Variants in RFX2 observed in about 807,000 individuals in gnomAD.
The protein encoded by RFX2 is DNA-binding protein RFX2.
Under a neutral mutation model 87.8 loss-of-function variants are expected in RFX2, and 20 were observed. The observed-to-expected ratio is 0.23, with a 90% CI of 0.16 to 0.33. RFX2 has a LOEUF of 0.33. Ranked by LOEUF, RFX2 falls within the 10% of genes least tolerant of loss-of-function variation. RFX2 has a pLI of 1.00. For missense variants in RFX2, 767 were observed against 1,012.3 expected (o/e 0.76, Z 3.29); for synonymous variants, 397 against 431.3 (o/e 0.92, Z 0.98).
rs2086686091 is a variant in RFX2, at chr19:6,013,508, T to TTC, written c.780-404_780-403insGA. On this transcript the variant is annotated intron_variant, in intron 7 of 17. Transcript: ENST00000303657. This position sits in a 1 kb window ranked among gnomAD's most constrained non-coding sequence, Gnocchi z 4.1. ...GCCTCTTCTCTCTTTTTTTTTTTTT[T>TTC]CAGAAACAGGGTCTCACTCTGTCAC... Among the ~76,000 whole-genome samples the TTC allele has an allele frequency of 6.6e-6, 1 of 151,268 alleles. No individual in the cohort carries two copies. The highest frequency in any genetic ancestry group is 2.4e-5 in the African/African-American group (1 of 41,044).
intron 1 of RFX2, among the ~76,000 whole-genome samples, chr19:6,107,616 C>CAAAAAAAAAAAAAAAAAAAAAAAAAA (rs1156483792): frequency 6.3e-5 from 2 of 31,556 alleles, no homozygotes; most frequent in Non-Finnish European, 1.2e-4. Context: ...GACCCTGTCT[C>CAAAAAAAAAAAAAAAAAAAAAAAAAA]AAAAAAAAAA....
intron 1 of RFX2, among the ~76,000 whole-genome samples, chr19:6,098,276 C>G (rs1045131543): frequency 2.0e-5 from 3 of 152,110 alleles, no homozygotes; most frequent in Non-Finnish European, 4.4e-5. Flanking sequence ...TAAAAACGAC[C>G]TCTCCTCCTG....
chr19:6,044,572 G>A lies in RFX2; in HGVS notation c.91-290C>T, dbSNP rs542130730. 6.6e-6 allele frequency among the ~76,000 whole-genome samples: 1 copy of A among 152,240 alleles called. No individual in the cohort carries two copies. The highest frequency in any genetic ancestry group is 2.4e-5 in the African/African-American group (1 of 41,546). ...GCACGAATTGTGGGCACACACACACGTATGCACACACACATACACGGAAGC... is the reference window on the plus strand; with the variant it reads ...GCACGAATTGTGGGCACACACACACATATGCACACACACATACACGGAAGC... On this transcript the variant is annotated intron_variant, in intron 2 of 17. Transcript: ENST00000303657. This position sits in a 1 kb window ranked among gnomAD's most constrained non-coding sequence, Gnocchi z 5.3.
In RFX2 at chr19:6,063,897, T is replaced by C. The variant is rs1258478072; in HGVS notation, c.-8-16393A>G. ...TCCCCTGGGGGCAGGACCACCCCCA[T>C]GGAGAACCACACGTCTAAGGCCACA... On this transcript the variant is annotated intron_variant, in intron 1 of 17. Coordinates refer to ENST00000303657, the MANE Select transcript of RFX2 (RefSeq NM_000635.4). The surrounding 1 kb of genome is among the most constrained non-coding windows in gnomAD (Gnocchi z 4.0). 6.6e-6 allele frequency among the ~76,000 whole-genome samples: 1 copy of C among 152,148 alleles called. No individual in the cohort carries two copies. Among genetic ancestry groups the C allele is most frequent in the East Asian group, 1.9e-4 (1 of 5,178 alleles).
intron 13 of RFX2, among the ~76,000 whole-genome samples, chr19:6,003,556 C>T (rs1045361300): frequency 9.9e-5 from 15 of 151,968 alleles, no homozygotes; most frequent in Non-Finnish European, 2.1e-4. Flanking sequence ...GCAGGTGGAT[C>T]GCCTGAGGTC....
intron 12 of RFX2, among the ~76,000 whole-genome samples, chr19:6,005,002 C>A (rs1386611617): frequency 6.6e-6 from 1 of 151,844 alleles, no homozygotes; most frequent in African/African-American, 2.4e-5. Context: ...GCCTGTAGTC[C>A]CAGCTATTTG....
At chr19:6,080,851 C>A (rs2087770903) in intron 1 of RFX2, among the ~76,000 whole-genome samples, 2 of 151,926 alleles carry the variant, frequency 1.3e-5, no homozygotes, top group African/African-American at 2.4e-5. Context: ...GCCTGGCCAA[C>A]CTGGTGAAAC....
rs76671289 is a variant in RFX2 at position 6,059,320 on chromosome 19, A to G, written c.-8-11816T>C. ...ATATAAAAATTGTCCAAACTAAAGTATGGTTACCTCATCTCTGATGTGGTC... is the reference window on the plus strand; with the variant it reads ...ATATAAAAATTGTCCAAACTAAAGTGTGGTTACCTCATCTCTGATGTGGTC... On this transcript the variant is annotated intron_variant, in intron 1 of 17. Transcript: ENST00000303657. 4.6e-3 allele frequency among the ~76,000 whole-genome samples: 694 copies of G among 152,262 alleles called. 8 individuals are homozygous for G. The East Asian group carries it at 0.071, about 16-fold the overall frequency.
Position 5,998,298 on chromosome 19 carries a change from A to G in RFX2, c.1860-1085T>C, listed in dbSNP as rs973529070. ...ACTCTAGCCTGGGTGACAGAGCAAC[A>G]CTCCATCTCAAAAAAAAAGAATGAA... On this transcript the variant is annotated intron_variant, in intron 15 of 17. Coordinates refer to ENST00000303657, the MANE Select transcript of RFX2 (RefSeq NM_000635.4). The surrounding 1 kb of genome is among the most constrained non-coding windows in gnomAD (Gnocchi z 4.2). Among the ~76,000 whole-genome samples, 1 of 150,566 alleles carries G rather than the reference A, an allele frequency of 6.6e-6. No homozygotes were observed. Among genetic ancestry groups the G allele is most frequent in the Non-Finnish European group, 1.5e-5 (1 of 67,632 alleles).
Position 6,024,003 on chromosome 19 carries a change from C to T in RFX2, c.597+2160G>A, listed in dbSNP as rs527592990. 1.1e-4 allele frequency among the ~76,000 whole-genome samples: 17 copies of T among 152,282 alleles called. No homozygotes were observed. Among genetic ancestry groups the T allele is most frequent in the African/African-American group, 4.1e-4 (17 of 41,562 alleles). On this transcript the variant is annotated intron_variant, in intron 6 of 17. Transcript: ENST00000303657. This position sits in a 1 kb window ranked among gnomAD's most constrained non-coding sequence, Gnocchi z 5.0. ...TCATGTTGGTCAGGCTGGTCTGGAA[C>T]TCCTGACCTCAAGTGGTACACCCGC...
chr19:6,012,490 G>A lies in RFX2; in HGVS notation c.899+496C>T, dbSNP rs1476992645. ...AAGGACTCTGCGTGACACTGTGATG[G>A]GGGACACATGTCATTATAGGTTTGT... On this transcript the variant is annotated intron_variant, in intron 8 of 17. Transcript: ENST00000303657. The surrounding 1 kb of genome is among the most constrained non-coding windows in gnomAD (Gnocchi z 4.6). 6.6e-6 allele frequency among the ~76,000 whole-genome samples: 1 copy of A among 152,124 alleles called. No homozygotes were observed. Among genetic ancestry groups the A allele is most frequent in the African/African-American group, 2.4e-5 (1 of 41,404 alleles).
chr19:6,035,954 A>G (rs947885464), intron 5 of RFX2, among the ~76,000 whole-genome samples: 1 of 152,150 alleles, frequency 6.6e-6, no homozygotes, highest in Admixed American at 6.5e-5. Flanking sequence ...AGCAACCCAC[A>G]TAACAAACCA....
In RFX2 at chr19:6,061,913, G is replaced by A. The variant is rs188401317; in HGVS notation, c.-8-14409C>T. ...AATGAAATATGTCCTAGGCAGGGGC[G>A]GGAGGATCCATTGAACCCAGGAGTT... On this transcript the variant is annotated intron_variant, in intron 1 of 17. Transcript: ENST00000303657. The surrounding 1 kb of genome is among the most constrained non-coding windows in gnomAD (Gnocchi z 5.2). Among the ~76,000 whole-genome samples the A allele has an allele frequency of 6.6e-6, 1 of 152,240 alleles. No homozygotes were observed. The highest frequency in any genetic ancestry group is 1.9e-4 in the East Asian group (1 of 5,174).
At chr19:6,104,289 G>T (rs550244252) in intron 1 of RFX2, among the ~76,000 whole-genome samples, 1 of 151,984 alleles carries the variant, frequency 6.6e-6, no homozygotes, top group Non-Finnish European at 1.5e-5. Flanking sequence ...AATTTTTTTG[G>T]CCGGGTGCGG....
intron 1 of RFX2, among the ~76,000 whole-genome samples, chr19:6,080,953 T>C (rs2087772348): frequency 6.6e-6 from 1 of 151,264 alleles, no homozygotes; most frequent in South Asian, 2.1e-4. Context: ...GGAGAATCAC[T>C]TGAACCTGGG....
chr19:6,080,785 C>T (rs2087769950), intron 1 of RFX2, among the ~76,000 whole-genome samples: 1 of 152,128 alleles, frequency 6.6e-6, no homozygotes, highest in Admixed American at 6.6e-5. Flanking sequence ...TGCTTGTAAT[C>T]CCAGCATTTT....
intron 1 of RFX2, among the ~76,000 whole-genome samples, chr19:6,091,300 GGGC>G (rs2087931116): frequency 6.6e-6 from 1 of 152,138 alleles, no homozygotes; most frequent in South Asian, 2.1e-4. Flanking sequence ...AGACCAGCCT[GGGC>G]AACATAGTGA....
chr19:6,077,101 T>C (rs2087702862), intron 1 of RFX2: 1 of 152,244 alleles, frequency 6.6e-6, no homozygotes, highest in South Asian at 2.1e-4. Flanking sequence ...GAGCAACTCA[T>C]AAATCGCATA....
intron 3 of RFX2, among the ~76,000 whole-genome samples, chr19:6,042,838 G>A (rs1452764532): frequency 6.6e-6 from 1 of 152,216 alleles, no homozygotes; most frequent in Admixed American, 6.5e-5. Context: ...GAAGCCAAAC[G>A]CTTTGCACAT....
Sources: allele counts gnomAD v4.1 joint callset (sites outside exome capture counted in the v4.1 genomes callset), GRCh38; gene constraint gnomAD v4.1.1; non-coding constraint Gnocchi (gnomAD v3.1); transcripts MANE v1.5; gene names NCBI Gene and HGNC (gene_info 2026-07-23, HGNC 2026-07-21).